CMIP: variants seen among roughly 807,000 people sequenced by gnomAD.
CMIP encodes c-Maf inducing protein, also known as C-Maf-inducing protein.
Under a neutral mutation model 97.3 loss-of-function variants are expected in CMIP, and 13 were observed. The ratio of observed to expected loss-of-function variants is 0.13; its 90% CI spans 0.09 to 0.21. CMIP has a LOEUF of 0.21. Ranked by LOEUF, CMIP falls within the 10% of genes least tolerant of loss-of-function variation. The pLI, the probability that CMIP is intolerant of heterozygous loss-of-function variation, is 1.00. For missense variants in CMIP, 847 were observed against 1,024.9 expected (o/e 0.83, Z 2.37); for synonymous variants, 538 against 436.3 (o/e 1.23, Z -2.91).
chr16:81,642,191 AG>A (rs1468977651), intron 3 of CMIP, among the ~76,000 whole-genome samples: 22 of 152,218 alleles, frequency 1.4e-4, no homozygotes, highest in Middle Eastern at 3.2e-3. Flanking sequence ...CTTGATATGT[AG>A]TAGCCATTAT....
intron 1 of CMIP, among the ~76,000 whole-genome samples, chr16:81,548,515 A>C (rs1304476745): frequency 6.6e-6 from 1 of 152,026 alleles, no homozygotes; most frequent in Non-Finnish European, 1.5e-5. Flanking sequence ...CTAGATGCCC[A>C]CAGCACCCTT....
chr16:81,646,620 A>G (rs1407268394), intron 3 of CMIP, among the ~76,000 whole-genome samples: 1 of 152,200 alleles, frequency 6.6e-6, no homozygotes, highest in Non-Finnish European at 1.5e-5. Context: ...AGATGCCCTC[A>G]TGCTTGTTTG....
intron 13 of CMIP, chr16:81,696,254 C>G (rs1354807788): frequency 4.3e-6 from 2 of 468,624 alleles, no homozygotes; most frequent in African/African-American, 4.0e-5. Context: ...CTCTGGGCAT[C>G]TCTACCTGCT....
chr16:81,471,808 G>A (rs948994554), intron 1 of CMIP, among the ~76,000 whole-genome samples: 2 of 152,220 alleles, frequency 1.3e-5, no homozygotes, highest in Non-Finnish European at 2.9e-5. Context: ...GAGGGCTGCT[G>A]AGTGACTCAC....
intron 17 of CMIP, 139 bp from the exon 18 acceptor site, chr16:81,703,800 C>T (rs953598429): frequency 1.6e-6 from 2 of 1,234,630 alleles, no homozygotes; most frequent in African/African-American, 3.0e-5. Context: ...GTGCCCCCAT[C>T]TCAGCTCCTG....
At chr16:81,695,841 T>A (rs1906654178) in intron 13 of CMIP, 1 of 152,460 alleles carries the variant, frequency 6.6e-6, no homozygotes, top group Non-Finnish European at 1.5e-5. Flanking sequence ...GATCCTTCAG[T>A]GGAGGGGGAC....
At chr16:81,518,582 G>C (rs1390444950) in intron 1 of CMIP, 1 of 152,248 alleles carries the variant, frequency 6.6e-6, no homozygotes, top group African/African-American at 2.4e-5. Context: ...CTTACAGGCT[G>C]TGTTTATTTC....
intron 1 of CMIP, chr16:81,476,234 C>T (rs1015953679): frequency 6.9e-6 from 10 of 1,448,700 alleles, no homozygotes; most frequent in South Asian, 2.3e-5. Context: ...GACAAGATGC[C>T]GGGACCTGTA....
At chr16:81,462,475 G>A (rs546841910) in intron 1 of CMIP, among the ~76,000 whole-genome samples, 1 of 152,048 alleles carries the variant, frequency 6.6e-6, no homozygotes, top group African/African-American at 2.4e-5. Context: ...AGGAAATGGA[G>A]CTTTGCACAG....
intron 1 of CMIP, among the ~76,000 whole-genome samples, chr16:81,556,871 G>T (rs1256543974): frequency 6.6e-6 from 1 of 152,246 alleles, no homozygotes; most frequent in African/African-American, 2.4e-5. Context: ...CCTGAAAACT[G>T]TGCAGGTCCT....
intron 1 of CMIP, among the ~76,000 whole-genome samples, chr16:81,452,631 A>G (rs995128904): frequency 2.6e-5 from 4 of 152,080 alleles, no homozygotes; most frequent in African/African-American, 9.7e-5. Context: ...AGGTAGAGGG[A>G]ACAGCAATTG....
At chr16:81,709,597 A>C in intron 20 of CMIP, 149 bp from the exon 21 acceptor site, 3 of 793,280 alleles carry the variant, frequency 3.8e-6, no homozygotes, top group Non-Finnish European at 6.1e-6. Flanking sequence ...AAGGCCACCC[A>C]CCCCTCCAAG....
intron 1 of CMIP, among the ~76,000 whole-genome samples, chr16:81,515,068 AC>A (rs1203681493): frequency 2.6e-5 from 4 of 152,200 alleles, no homozygotes; most frequent in African/African-American, 9.7e-5. Context: ...CCAGGAGGTG[AC>A]CCATGGCCAC....
intron 2 of CMIP, among the ~76,000 whole-genome samples, chr16:81,609,655 C>T (rs576208693): frequency 1.3e-5 from 2 of 152,324 alleles, no homozygotes; most frequent in Admixed American, 1.3e-4. Context: ...GGGGCCAAAG[C>T]AGGCTCCCCA....
At chr16:81,589,822 G>A (rs754333725) in intron 1 of CMIP, among the ~76,000 whole-genome samples, 2 of 152,238 alleles carry the variant, frequency 1.3e-5, no homozygotes, top group South Asian at 2.1e-4. Context: ...CATGGACATA[G>A]CGGGTAAACT....
At chr16:81,494,167 C>T (rs535634522) in intron 1 of CMIP, among the ~76,000 whole-genome samples, 5 of 152,262 alleles carry the variant, frequency 3.3e-5, no homozygotes, top group South Asian at 2.1e-4. Context: ...CCGGGGGAAT[C>T]GGGGGCAGTT....
At chr16:81,521,601 C>G (rs1326294668) in intron 1 of CMIP, among the ~76,000 whole-genome samples, 2 of 152,156 alleles carry the variant, frequency 1.3e-5, no homozygotes, top group African/African-American at 4.8e-5. Context: ...CTGAACCTAG[C>G]AGGTCGAGTC....
rs749221024 is a variant in CMIP, at chr16:81,626,786, A to AGTGTGT, written c.477+5861_477+5862insTGTGTG. 2.5e-3 allele frequency among the ~76,000 whole-genome samples: 259 copies of AGTGTGT among 102,576 alleles called. 2 individuals are homozygous for AGTGTGT. Among genetic ancestry groups the AGTGTGT allele is most frequent in the African/African-American group, 9.0e-3 (221 of 24,518 alleles). The allele number at this position is 102,576 out of a possible 152,430, so 67.3% of individuals were successfully genotyped here. A position where few individuals can be genotyped will look rare whatever the true frequency, so the allele number is the denominator to read the frequency against. ...GGTGTGTGGAGTGACAGAGAGAGAG[A>AGTGTGT]GAGTGTGTGTGTGTGTGTGTGTGTG... On this transcript the variant is annotated intron_variant, in intron 3 of 20. Transcript: ENST00000537098.
intron 1 of CMIP, among the ~76,000 whole-genome samples, chr16:81,521,096 A>G (rs2090017200): frequency 2.0e-5 from 3 of 152,220 alleles, no homozygotes; most frequent in South Asian, 2.1e-4. Context: ...TTTTGGGATA[A>G]ATTCTTGAGG....
Sources: allele counts gnomAD v4.1 joint callset (sites outside exome capture counted in the v4.1 genomes callset), GRCh38; gene constraint gnomAD v4.1.1; transcripts MANE v1.5; gene names NCBI Gene and HGNC (gene_info 2026-07-23, HGNC 2026-07-21).